Variants in CTNNAL1 observed in about 807,000 individuals in gnomAD.
The protein encoded by CTNNAL1 is catenin alpha like 1.
Under a neutral mutation model 93.6 loss-of-function variants are expected in CTNNAL1, and 69 were observed. That is an observed-to-expected ratio of 0.74 (90% CI 0.61 to 0.90). CTNNAL1 has a LOEUF of 0.90. CTNNAL1 is among the 40% of genes least tolerant of loss of function. CTNNAL1 has a pLI of 0.00. For missense variants in CTNNAL1, 836 were observed against 862.0 expected (o/e 0.97, Z 0.38); for synonymous variants, 286 against 305.4 (o/e 0.94, Z 0.66).
At chr9:108,970,538 C>A in intron 9 of CTNNAL1, 44 bp from the exon 10 acceptor site, 1 of 1,517,164 alleles carries the variant, frequency 6.6e-7, no homozygotes, top group East Asian at 2.4e-5. Context: ...CATCCTCATC[C>A]TCCACAATAC....
chr9:108,972,868 G>GGGGGCCCCCCCCCCCGGGC, intron 8 of CTNNAL1, 35 bp from the exon 9 acceptor site: 1 of 1,092,788 alleles, frequency 9.2e-7, no homozygotes, highest in Non-Finnish European at 1.2e-6. Flanking sequence ...GGGTGGGAGG[G>GGGGGCCCCCCCCCCCGGGC]TGGAGAAGGA....
intron 14 of CTNNAL1, among the ~76,000 whole-genome samples, chr9:108,951,115 A>T (rs1830551696): frequency 6.6e-6 from 1 of 151,222 alleles, no homozygotes; most frequent in African/African-American, 2.4e-5. Flanking sequence ...GTTTCACGCC[A>T]TTCTCCTGCC....
Position 108,979,363 on chromosome 9 carries a change from TG to T in CTNNAL1, c.1018del (p.His340MetfsTer21). 1 of 1,614,216 alleles carries T rather than the reference TG, an allele frequency of 6.2e-7. No homozygotes were observed. Among genetic ancestry groups the T allele is most frequent in the Non-Finnish European group, 8.5e-7 (1 of 1,180,026 alleles). On this transcript the variant is annotated frameshift_variant, in exon 7 of 19. Coordinates refer to ENST00000325551, the MANE Select transcript of CTNNAL1 (RefSeq NM_003798.4). LOFTEE classifies it high-confidence loss of function. The part of the protein sequence containing the change: ...EDFTDSAYTS[H>X]EHRERILELS... ...TTCCAAGATGCGTTCTCTGTGCTCA[TG>T]GCTGGTGTAGGCAGAATCAGTAAAG...
intron 14 of CTNNAL1, chr9:108,950,751 C>T: frequency 1.1e-6 from 1 of 940,882 alleles, no homozygotes; most frequent in Non-Finnish European, 1.5e-6. Context: ...CCTTTCTTTT[C>T]TCCTTTTTCT....
chr9:108,996,687 CG>C (rs1433718976), intron 2 of CTNNAL1, among the ~76,000 whole-genome samples: 1 of 152,012 alleles, frequency 6.6e-6, no homozygotes, highest in African/African-American at 2.4e-5. Flanking sequence ...CTTTAATCAA[CG>C]GTTGTTAGAA....
At chr9:108,946,478 T>C (rs1338957285) in intron 15 of CTNNAL1, among the ~76,000 whole-genome samples, 1 of 152,066 alleles carries the variant, frequency 6.6e-6, no homozygotes, top group Non-Finnish European at 1.5e-5. Flanking sequence ...TCTACCCACA[T>C]TTATCCATCC....
intron 13 of CTNNAL1, 28 bp downstream of exon 13, chr9:108,952,416 G>A (rs926604202): frequency 6.2e-7 from 1 of 1,614,182 alleles, no homozygotes; most frequent in Non-Finnish European, 8.5e-7. Context: ...CATGTTAAAG[G>A]AAGATTAGAT....
intron 11 of CTNNAL1, among the ~76,000 whole-genome samples, chr9:108,958,062 T>A (rs112579444): frequency 0.22 from 9,404 of 43,460 alleles, 296 homozygotes; most frequent in Middle Eastern, 0.35. Flanking sequence ...CAAGACTGTC[T>A]CAAAAAAAAA....
intron 5 of CTNNAL1, among the ~76,000 whole-genome samples, chr9:108,983,917 T>C (rs1041280517): frequency 6.6e-6 from 1 of 152,234 alleles, no homozygotes; most frequent in Non-Finnish European, 1.5e-5. Flanking sequence ...GATTGATAAT[T>C]TTGTTAAAAG....
At chr9:108,961,526 G>A (rs945616775) in intron 11 of CTNNAL1, among the ~76,000 whole-genome samples, 13 of 152,138 alleles carry the variant, frequency 8.5e-5, no homozygotes, top group Admixed American at 1.3e-4. Flanking sequence ...AGGCTGAGGC[G>A]TTTCCCACGT....
chr9:109,005,263 GA>G (rs990286747), intron 1 of CTNNAL1, among the ~76,000 whole-genome samples: 1 of 146,460 alleles, frequency 6.8e-6, no homozygotes, highest in South Asian at 2.2e-4. Context: ...ACTATCACAT[GA>G]AAAAAAAAAG....
At chr9:108,970,138 A>T (rs1831067825) in intron 10 of CTNNAL1, among the ~76,000 whole-genome samples, 1 of 152,252 alleles carries the variant, frequency 6.6e-6, no homozygotes, top group Non-Finnish European at 1.5e-5. Context: ...TGTTATAACA[A>T]GTGCATTGTA....
intron 4 of CTNNAL1, among the ~76,000 whole-genome samples, chr9:108,987,280 T>C (rs1831640802): frequency 6.6e-6 from 1 of 151,204 alleles, no homozygotes; most frequent in Non-Finnish European, 1.5e-5. Context: ...ATTTATTAAA[T>C]AGGGAATCCT....
chr9:108,963,743 T>A (rs1830879664), intron 11 of CTNNAL1, among the ~76,000 whole-genome samples: 1 of 152,178 alleles, frequency 6.6e-6, no homozygotes, highest in Non-Finnish European at 1.5e-5. Context: ...ACAATATTCC[T>A]CTGGCCTTTA....
rs1323916736 is a variant in CTNNAL1, at chr9:108,992,712, A to G, written c.439T>C (p.Leu147=). 30 of 1,613,946 alleles carry G rather than the reference A, an allele frequency of 1.9e-5. No individual in the cohort carries two copies. The highest frequency in any genetic ancestry group is 2.5e-5 in the Non-Finnish European group (29 of 1,179,980). The change falls in exon 3 of 19, where the codon TTA becomes CTA. Residue 147 remains leucine, a synonymous_variant. Transcript: ENST00000325551. ...DKTGVIKAAR[L]LLSSVTKVLL... ...ACTTTTGTCACTGAAGAAAGAAGTA[A>G]TCTTGCAGCCTTTATCACTCCTGTT...
intron 3 of CTNNAL1, chr9:108,991,921 T>A: frequency 1.6e-6 from 1 of 642,392 alleles, no homozygotes; most frequent in Non-Finnish European, 2.8e-6. Context: ...AGAGATTAAC[T>A]TCTGGACTGG....
chr9:108,976,263 A>G (rs1055000285), intron 8 of CTNNAL1, among the ~76,000 whole-genome samples: 1 of 152,188 alleles, frequency 6.6e-6, no homozygotes, highest in Admixed American at 6.5e-5. Flanking sequence ...TTTTATACAT[A>G]TAATCATTTG....
intron 4 of CTNNAL1, among the ~76,000 whole-genome samples, chr9:108,989,999 C>T (rs981506451): frequency 3.2e-4 from 49 of 152,022 alleles, no homozygotes; most frequent in Non-Finnish European, 5.3e-4. Context: ...TGCAGTGAGC[C>T]GTGATCACGA....
chr9:108,986,712 T>C (rs949109042), intron 4 of CTNNAL1, among the ~76,000 whole-genome samples: 5 of 152,118 alleles, frequency 3.3e-5, no homozygotes, highest in East Asian at 1.9e-4. Flanking sequence ...TTTTTAATGA[T>C]TGCCATTCTA....
Sources: gnomAD v4.1 joint callset for allele counts (sites outside exome capture counted in the v4.1 genomes callset) on GRCh38, gnomAD v4.1.1 for gene constraint, MANE v1.5 for transcripts, NCBI Gene and HGNC (gene_info 2026-07-23, HGNC 2026-07-21) for gene names.